SEMA3A: variants seen among roughly 807,000 people sequenced by gnomAD.
SEMA3A encodes semaphorin-3A.
In SEMA3A, 29 loss-of-function variants were observed where a neutral mutation model predicts 97.9. That is an observed-to-expected ratio of 0.30 (90% CI 0.22 to 0.40). The LOEUF is 0.40. SEMA3A is among the 10% of genes least tolerant of loss of function. The pLI is 1.00. For synonymous variants in SEMA3A, 321 were observed against 323.7 expected, an observed-to-expected ratio of 0.99 and a Z score of 0.09; for missense variants, 763 against 951.3, an observed-to-expected ratio of 0.80 and a Z score of 2.60.
intron 9 of SEMA3A, among the ~76,000 whole-genome samples, chr7:84,009,816 A>C (rs1790804873): frequency 6.6e-6 from 1 of 150,800 alleles, no homozygotes; most frequent in Admixed American, 6.6e-5. Context: ...AGGGGAAGGA[A>C]GAAGGGAAGG....
At chr7:83,972,184 C>T (rs926942629) in intron 15 of SEMA3A, among the ~76,000 whole-genome samples, 2 of 151,668 alleles carry the variant, frequency 1.3e-5, no homozygotes, top group African/African-American at 4.8e-5. Flanking sequence ...GTAGAGTCAC[C>T]AGTATCTTAC....
At chr7:84,016,191 GGTAAA>G (rs1791090574) in intron 6 of SEMA3A, among the ~76,000 whole-genome samples, 1 of 150,860 alleles carries the variant, frequency 6.6e-6, no homozygotes. Context: ...CTATCACATT[GGTAAA>G]GTTAGGCTCC....
chr7:84,287,131 G>A (rs979583640), intron 3 of SEMA3A, among the ~76,000 whole-genome samples: 7 of 151,884 alleles, frequency 4.6e-5, no homozygotes, highest in Admixed American at 2.6e-4. Context: ...AACTTGTCAC[G>A]TTCTCTTAAT....
intron 3 of SEMA3A, among the ~76,000 whole-genome samples, chr7:84,264,576 TATGC>T (rs1263746850): frequency 1.3e-5 from 2 of 152,216 alleles, no homozygotes; most frequent in East Asian, 3.8e-4. Flanking sequence ...TGCATTCATG[TATGC>T]AGATCTGAAA....
At chr7:84,183,179 C>T (rs1797781060) in intron 1 of SEMA3A, among the ~76,000 whole-genome samples, 1 of 152,042 alleles carries the variant, frequency 6.6e-6, no homozygotes, top group African/African-American at 2.4e-5. Context: ...CTATTCTACC[C>T]ATATTAAGGA....
chr7:84,063,043 T>C (rs1243751016), intron 4 of SEMA3A, among the ~76,000 whole-genome samples: 1 of 151,856 alleles, frequency 6.6e-6, no homozygotes, highest in Non-Finnish European at 1.5e-5. Flanking sequence ...AAGAGAGCAG[T>C]GGTTCTCCCA....
At chr7:84,334,952 T>C (rs1482725425) in intron 2 of SEMA3A, among the ~76,000 whole-genome samples, 1 of 151,952 alleles carries the variant, frequency 6.6e-6, no homozygotes, top group Non-Finnish European at 1.5e-5. Context: ...AAAAAAACAA[T>C]AATGATTTTA....
At chr7:84,050,833 A>G (rs1444597549) in intron 5 of SEMA3A, among the ~76,000 whole-genome samples, 2 of 152,058 alleles carry the variant, frequency 1.3e-5, no homozygotes, top group Admixed American at 6.5e-5. Flanking sequence ...TAGGGTTTTT[A>G]TGGTTTTAGG....
intron 1 of SEMA3A, among the ~76,000 whole-genome samples, chr7:84,474,542 T>C (rs950027435): frequency 6.6e-6 from 1 of 152,194 alleles, no homozygotes. Flanking sequence ...CTGTATCCTC[T>C]AGGTAGGTGT....
intron 2 of SEMA3A, among the ~76,000 whole-genome samples, chr7:84,129,471 C>A (rs796109078): frequency 1.5e-4 from 23 of 152,240 alleles, no homozygotes; most frequent in African/African-American, 5.5e-4. Flanking sequence ...CAAGAACTAG[C>A]ACACAGATTG....
intron 2 of SEMA3A, among the ~76,000 whole-genome samples, chr7:84,357,111 T>C (rs1279011826): frequency 6.7e-6 from 1 of 149,166 alleles, no homozygotes; most frequent in Non-Finnish European, 1.5e-5. Flanking sequence ...TCTTTTTTTT[T>C]CTATTTTTTC....
At chr7:84,314,671 G>GA (rs1310046061) in intron 2 of SEMA3A, among the ~76,000 whole-genome samples, 3 of 152,158 alleles carry the variant, frequency 2.0e-5, no homozygotes, top group Non-Finnish European at 4.4e-5. Flanking sequence ...TAGACTCACT[G>GA]AACTATGCAA....
intron 1 of SEMA3A, among the ~76,000 whole-genome samples, chr7:84,192,718 GT>G (rs1205066550): frequency 1.3e-5 from 2 of 151,792 alleles, no homozygotes; most frequent in African/African-American, 4.8e-5. Flanking sequence ...AAATAAAAAA[GT>G]TTAATTCCCT....
At chr7:84,019,008 C>G (rs1434814271) in intron 6 of SEMA3A, among the ~76,000 whole-genome samples, 3 of 152,084 alleles carry the variant, frequency 2.0e-5, no homozygotes, top group East Asian at 1.9e-4. Flanking sequence ...GTCATAGAAA[C>G]TCAAATGAGA....
intron 2 of SEMA3A, among the ~76,000 whole-genome samples, chr7:84,130,403 C>T (rs1402084425): frequency 6.6e-6 from 1 of 152,046 alleles, no homozygotes; most frequent in African/African-American, 2.4e-5. Context: ...CATTTCAGGT[C>T]CATGTCAAAA....
chr7:84,175,943 T>C (rs1797551523), intron 1 of SEMA3A, among the ~76,000 whole-genome samples: 1 of 152,170 alleles, frequency 6.6e-6, no homozygotes, highest in African/African-American at 2.4e-5. Flanking sequence ...ATGGTCACAG[T>C]GATCCACCAA....
intron 1 of SEMA3A, among the ~76,000 whole-genome samples, chr7:84,412,560 G>A (rs1413417364): frequency 1.3e-5 from 2 of 152,124 alleles, no homozygotes; most frequent in African/African-American, 4.8e-5. Context: ...ATGGTTCAAA[G>A]TAATAGGCAA....
intron 15 of SEMA3A, among the ~76,000 whole-genome samples, chr7:83,967,827 ATATT>A (rs1390804358): frequency 6.6e-6 from 1 of 152,168 alleles, no homozygotes; most frequent in East Asian, 1.9e-4. Flanking sequence ...ATATATGTAC[ATATT>A]TATAGGGTAC....
intron 2 of SEMA3A, among the ~76,000 whole-genome samples, chr7:84,352,615 G>T (rs1802465300): frequency 1.3e-5 from 2 of 151,716 alleles, no homozygotes; most frequent in Non-Finnish European, 3.0e-5. Context: ...TAAACTATTT[G>T]CCCATATAGT....
Sources: allele counts gnomAD v4.1 joint callset (sites outside exome capture counted in the v4.1 genomes callset), GRCh38; gene constraint gnomAD v4.1.1; transcripts MANE v1.5; gene names NCBI Gene and HGNC (gene_info 2026-07-23, HGNC 2026-07-21).